GIMAP6: variants seen among roughly 807,000 people sequenced by gnomAD.
GIMAP6 encodes GTPase IMAP family member 6.
A neutral mutation model predicts 9.3 loss-of-function variants in GIMAP6; 6 were observed. That is an observed-to-expected ratio of 0.65 (90% confidence interval 0.35 to 1.27). GIMAP6 has a LOEUF of 1.27. GIMAP6 is among the 50% of genes most tolerant of loss of function. The pLI is 0.03. For missense variants in GIMAP6, 333 were observed against 359.5 expected, an observed-to-expected ratio of 0.93 and a Z score of 0.60; for synonymous variants, 156 against 151.1, an observed-to-expected ratio of 1.03 and a Z score of -0.24.
At chr7:150,630,004 C>G in intron 2 of GIMAP6, 54 bp downstream of exon 2, 4 of 1,179,734 alleles carry the variant, frequency 3.4e-6, no homozygotes, top group Non-Finnish European at 5.0e-6. Flanking sequence ...GGAGCTGTGT[C>G]CCACCTGCAC....
Position 150,627,775 on chromosome 7 carries a change from T to A in GIMAP6, c.823A>T (p.Ile275Phe). ...TGGGCTTCCTCAGATTCCTTCTGGA[T>A]CTGGGACAGTCCTTCCAGCCAAGAC... ...EESWLEGLSQ[I>F]QKESEEAHRC... Residue 275 changes from isoleucine to phenylalanine, a missense_variant, in exon 3 of 3, where the codon ATC becomes TTC. Ile to Phe is a conservative substitution (Grantham distance 21, BLOSUM62 0). Coordinates refer to ENST00000328902, the MANE Select transcript of GIMAP6 (RefSeq NM_024711.6). The A allele has an allele frequency of 1.9e-6, 3 of 1,614,220 alleles. No individual in the cohort carries two copies. Among genetic ancestry groups the A allele is most frequent in the Non-Finnish European group, 2.5e-6 (3 of 1,180,032 alleles).
Position 150,628,392 on chromosome 7 carries a change from T to C in GIMAP6, c.206A>G (p.Lys69Arg), listed in dbSNP as rs868828789. ...SILGRDVFES[K>R]LSTRPVTKTS... ...CTTGGTCACGGGTCTGGTGCTGAGT[T>C]TAGACTCGAAGACGTCCCTGCCGAG... Residue 69 changes from lysine (K) to arginine (R), a missense_variant, in exon 3 of 3, where the codon AAA (lysine) becomes AGA (arginine). Lys to Arg is a conservative substitution (Grantham distance 26, BLOSUM62 2). Coordinates refer to ENST00000328902, the MANE Select transcript of GIMAP6 (RefSeq NM_024711.6). 3 of 1,614,140 alleles carry C rather than the reference T, an allele frequency of 1.9e-6. No homozygotes were observed. Among genetic ancestry groups the C allele is most frequent in the African/African-American group, 2.7e-5 (2 of 75,052 alleles).
rs904002938 is a variant in GIMAP6, at chr7:150,628,306, TG to T, written c.291del (p.Asn98ThrfsTer32). 2 of 1,614,046 alleles carry T rather than the reference TG, an allele frequency of 1.2e-6. No individual in the cohort carries two copies. The highest frequency in any genetic ancestry group is 2.7e-5 in the African/African-American group (2 of 74,946). ...GGCGAGACCTGGGGGGACAGAATGT[TG>T]GGTGTGTCAATCACCTCAAGCTCCT... ...AGKELEVIDT[P>X]NILSPQVSPE... On this transcript the variant is annotated frameshift_variant, in exon 3 of 3. Coordinates refer to ENST00000328902, the MANE Select transcript of GIMAP6 (RefSeq NM_024711.6). LOFTEE classifies it low-confidence loss of function (END_TRUNC).
Position 150,628,080 on chromosome 7 carries a change from A to G in GIMAP6, c.518T>C (p.Leu173Pro), listed in dbSNP as rs775156654. 6 of 1,614,040 alleles carry G rather than the reference A, an allele frequency of 3.7e-6. No homozygotes were observed. The African/African-American group carries it at 8.0e-5, about 22-fold the overall frequency. ...GTTGGTCTCTCGCACATAGTCTTCC[A>G]GGGAGCCGCCAGCCAGGTCTTCCTT... ...TRKEDLAGGS[L>P]EDYVRETNNQ... Residue 173 changes from leucine (L) to proline (P), a missense_variant, in exon 3 of 3, where the codon CTG (leucine) becomes CCG (proline). By Grantham distance (98) the Leu-to-Pro change is moderately conservative (BLOSUM62 -3). Transcript: ENST00000328902.
chr7:150,631,341 AAAG>A lies in GIMAP6; in HGVS notation c.-1+825_-1+827del, dbSNP rs763922244. Among the ~76,000 whole-genome samples, 60 of 152,290 alleles carry A rather than the reference AAAG, an allele frequency of 3.9e-4. 1 individual carries two copies. The highest frequency in any genetic ancestry group is 6.2e-4 in the South Asian group (3 of 4,824). ...GAAGGTCTGTTGACTTTCTAGGAAG[AAAG>A]AAGAAGCAGGCCAGGCGGACAGCCT... On this transcript the variant is annotated intron_variant, in intron 1 of 2. Coordinates refer to ENST00000328902, the MANE Select transcript of GIMAP6 (RefSeq NM_024711.6).
chr7:150,628,915 G>C, intron 2 of GIMAP6: 1 of 500,840 alleles, frequency 2.0e-6, no homozygotes, highest in Non-Finnish European at 3.4e-6. Context: ...AGACATTGAT[G>C]TATCTCAGAT....
chr7:150,631,356 C>T (rs1444857632), intron 1 of GIMAP6, among the ~76,000 whole-genome samples: 1 of 152,182 alleles, frequency 6.6e-6, no homozygotes, highest in Non-Finnish European at 1.5e-5. Context: ...AGAAGCAGGC[C>T]AGGCGGACAG....
chr7:150,629,959 G>T (rs1269317733), intron 2 of GIMAP6, 99 bp downstream of exon 2: 6 of 805,264 alleles, frequency 7.5e-6, no homozygotes, highest in South Asian at 4.9e-5. Context: ...GTGACTGGGG[G>T]ACGTCAGCTT....
intron 2 of GIMAP6, 44 bp downstream of exon 2, chr7:150,630,014 C>T: frequency 7.6e-7 from 1 of 1,314,552 alleles, no homozygotes; most frequent in Non-Finnish European, 1.1e-6. Context: ...CCCACCTGCA[C>T]CCCAAATGTT....
chr7:150,629,566 G>A (rs4615473), intron 2 of GIMAP6, among the ~76,000 whole-genome samples: 1,622 of 152,220 alleles, frequency 0.011, 23 homozygotes, highest in African/African-American at 0.036. Context: ...GGAAAGGGAC[G>A]CCCTCGATAA....
chr7:150,627,753 G>A lies in GIMAP6; in HGVS notation c.845C>T (p.Ala282Val). 2 of 1,614,054 alleles carry A rather than the reference G, an allele frequency of 1.2e-6. No individual in the cohort carries two copies. The highest frequency in any genetic ancestry group is 1.7e-6 in the Non-Finnish European group (2 of 1,179,948). ...LSQIQKESEE[A>V]HRCLLGKADL The stretch of plus-strand genomic sequence containing the variant: ...AGCCTTCCCCAGCAGGCATCTGTGG[G>A]CTTCCTCAGATTCCTTCTGGATCTG... The change falls in exon 3 of 3, where the codon GCC becomes GTC. Residue 282 changes from alanine (A) to valine (V), a missense_variant. By Grantham distance (64) the Ala-to-Val change is moderately conservative. Coordinates refer to ENST00000328902, the MANE Select transcript of GIMAP6 (RefSeq NM_024711.6).
intron 1 of GIMAP6, among the ~76,000 whole-genome samples, chr7:150,630,828 C>A (rs1224034688): frequency 1.3e-5 from 2 of 152,188 alleles, no homozygotes; most frequent in East Asian, 3.8e-4. Context: ...TGTCTCTTCC[C>A]CTATTAAGGT....
chr7:150,628,623 A>C (rs1796342258), intron 2 of GIMAP6, 111 bp from the exon 3 acceptor site: 4 of 1,592,422 alleles, frequency 2.5e-6, no homozygotes, highest in Non-Finnish European at 3.4e-6. Context: ...GCAGATTGTA[A>C]AAGACCAACA....
chr7:150,628,898 C>G, intron 2 of GIMAP6: 1 of 543,834 alleles, frequency 1.8e-6, no homozygotes. Context: ...AGTCTTGTCC[C>G]CACTGAAGAC....
At position 150,627,857 on chromosome 7, in the gene GIMAP6, T is replaced by C; in HGVS notation, c.741A>G (p.Glu247=). 6.2e-7 allele frequency: 1 copy of C among 1,614,278 alleles called. No homozygotes were observed. The highest frequency in any genetic ancestry group is 8.5e-7 in the Non-Finnish European group (1 of 1,180,046). Reference sequence around the variant, plus strand: ...CCTGGCTTACTTGCCTTTCCTGTAGTTCTTTCAGCCGAAAGTTTTGCTGGG... The same window carrying C: ...CCTGGCTTACTTGCCTTTCCTGTAGCTCTTTCAGCCGAAAGTTTTGCTGGG... ...QYTQQNFRLK[E]LQERQVSQGQ... The change falls in exon 3 of 3, where the codon GAA becomes GAG. Residue 247 remains glutamate (E), a synonymous_variant. Coordinates refer to ENST00000328902, the MANE Select transcript of GIMAP6 (RefSeq NM_024711.6).
At chr7:150,630,019 A>C (rs758259866) in intron 2 of GIMAP6, 39 bp downstream of exon 2, 1 of 1,380,296 alleles carries the variant, frequency 7.2e-7, no homozygotes, top group Non-Finnish European at 1.0e-6. Flanking sequence ...CTGCACCCCA[A>C]ATGTTTCCCA....
At position 150,628,291 on chromosome 7, in the gene GIMAP6, G is replaced by T. The variant is rs748577330; in HGVS notation, c.307C>A (p.Gln103Lys). ...VIDTPNILSP[Q>K]VSPEVADAIC... ...GCGTCTGCCACCTCTGGCGAGACCTGGGGGGACAGAATGTTGGGTGTGTCA... is the reference window on the plus strand; with the variant it reads ...GCGTCTGCCACCTCTGGCGAGACCTTGGGGGACAGAATGTTGGGTGTGTCA... The change falls in exon 3 of 3, where the codon CAG becomes AAG. Residue 103 changes from glutamine (Q) to lysine (K), a missense_variant. Gln to Lys is a moderately conservative substitution (Grantham distance 53, BLOSUM62 1). Transcript: ENST00000328902. The T allele has an allele frequency of 3.7e-6, 6 of 1,613,964 alleles. No homozygotes were observed. The African/African-American group carries it at 4.0e-5, about 11-fold the overall frequency.
intron 1 of GIMAP6, 93 bp from the exon 2 acceptor site, chr7:150,630,235 G>T: frequency 1.9e-6 from 2 of 1,043,404 alleles, no homozygotes. Flanking sequence ...TCTCTTGCCA[G>T]AGGAAAGTTT....
Position 150,627,645 on chromosome 7 carries a change from G to C in GIMAP6, c.*74C>G. The stretch of plus-strand genomic sequence containing the variant: ...AGACTGGGAAGCACTCCATGGGATG[G>C]AAAGAGAAACAGAGGGCTGGACACA... On this transcript the variant is annotated 3_prime_UTR_variant, in exon 3 of 3. Transcript: ENST00000328902. 6.3e-7 allele frequency: 1 copy of C among 1,584,352 alleles called. No homozygotes were observed. The highest frequency in any genetic ancestry group is 8.7e-7 in the Non-Finnish European group (1 of 1,154,888).
Sources: allele counts gnomAD v4.1 joint callset (sites outside exome capture counted in the v4.1 genomes callset), GRCh38; gene constraint gnomAD v4.1.1; transcripts MANE v1.5; gene names NCBI Gene and HGNC (gene_info 2026-07-23, HGNC 2026-07-21).